CDYL: variants seen among roughly 807,000 people sequenced by gnomAD.
CDYL encodes the protein chromodomain Y like.
A neutral mutation model predicts 47.3 loss-of-function variants in CDYL; 8 were observed. The ratio of observed to expected loss-of-function variants is 0.17; its 90% CI spans 0.10 to 0.31. The LOEUF is 0.31. CDYL is among the 10% of genes least tolerant of loss of function. The pLI is 1.00. For synonymous variants in CDYL, 266 were observed against 265.0 expected (o/e 1.00, Z -0.04); for missense variants, 471 against 701.4 (o/e 0.67, Z 3.71).
rs556831056 is a variant in CDYL, at chr6:4,751,717, T to G, written c.186+16873T>G. 1.4e-3 allele frequency among the ~76,000 whole-genome samples: 214 copies of G among 152,350 alleles called. 10 individuals carry two copies. The South Asian group carries it at 0.042, about 30-fold the overall frequency. ...ATTTTGGCATGAACCAGTTTTTAAC[T>G]CTAGCCAGTCAATTTCGTTTTTAAA... On this transcript the variant is annotated intron_variant, in intron 3 of 8. Coordinates refer to the CDYL transcript ENST00000328908.
chr6:4,871,718 C>G (rs1282974376), intron 1 of CDYL, among the ~76,000 whole-genome samples: 2 of 152,164 alleles, frequency 1.3e-5, no homozygotes, highest in Non-Finnish European at 2.9e-5. Context: ...CCTCTCCACC[C>G]TAAATAGTCT....
intron 1 of CDYL, among the ~76,000 whole-genome samples, chr6:4,814,543 A>G (rs1299798337): frequency 6.6e-6 from 1 of 152,114 alleles, no homozygotes; most frequent in Non-Finnish European, 1.5e-5. Flanking sequence ...GTTGTTTTGG[A>G]GACAGGGTCT....
chr6:4,879,404 A>G (rs895956575), intron 1 of CDYL, among the ~76,000 whole-genome samples: 3 of 152,194 alleles, frequency 2.0e-5, no homozygotes, highest in Non-Finnish European at 4.4e-5. Flanking sequence ...TTGACCTTAT[A>G]ATAAAGAAAT....
At chr6:4,853,310 T>C (rs1286083802) in intron 1 of CDYL, among the ~76,000 whole-genome samples, 3 of 152,208 alleles carry the variant, frequency 2.0e-5, no homozygotes, top group African/African-American at 7.2e-5. Flanking sequence ...ATTTTTATTT[T>C]TCCCGGTAAA....
intron 2 of CDYL, among the ~76,000 whole-genome samples, chr6:4,925,721 A>G (rs1040480170): frequency 3.3e-5 from 5 of 151,980 alleles, no homozygotes; most frequent in Admixed American, 1.3e-4. Context: ...TCCAGCTGGG[A>G]GAGTAGGCAT....
intron 2 of CDYL, among the ~76,000 whole-genome samples, chr6:4,935,104 A>G (rs1758148012): frequency 6.6e-6 from 1 of 152,190 alleles, no homozygotes. Context: ...TTGGAAAAAG[A>G]AGTTTCGACT....
chr6:4,717,305 G>A (rs1196376043), intron 2 of CDYL, among the ~76,000 whole-genome samples: 1 of 152,210 alleles, frequency 6.6e-6, no homozygotes, highest in Non-Finnish European at 1.5e-5. Flanking sequence ...AGCTTCCAGA[G>A]CCTGGTGCAG....
intron 2 of CDYL, among the ~76,000 whole-genome samples, chr6:4,901,355 G>C (rs1269523025): frequency 6.6e-6 from 1 of 152,102 alleles, no homozygotes; most frequent in Non-Finnish European, 1.5e-5. Flanking sequence ...CGTTAGCATT[G>C]TTTTTGCTGC....
chr6:4,908,745 C>T (rs948889191), intron 2 of CDYL, among the ~76,000 whole-genome samples: 1 of 152,188 alleles, frequency 6.6e-6, no homozygotes, highest in Non-Finnish European at 1.5e-5. Flanking sequence ...CAGTAGCCCA[C>T]AGGCAGTCCT....
rs534737552 is a variant in CDYL, at chr6:4,720,188, G to A, written c.103+4307G>A. ...TGAAGGAAAAAAACTTGTAAACATT[G>A]AGTCAAAACCTTACAAATTTTGGAG... On this transcript the variant is annotated intron_variant, in intron 2 of 8. Coordinates refer to the CDYL transcript ENST00000328908. 9.2e-5 allele frequency among the ~76,000 whole-genome samples: 14 copies of A among 152,276 alleles called. 1 individual carries two copies. In the South Asian group the frequency reaches 2.3e-3, roughly 25 times the overall value.
At chr6:4,910,227 A>G (rs1757370978) in intron 2 of CDYL, among the ~76,000 whole-genome samples, 2 of 152,066 alleles carry the variant, frequency 1.3e-5, no homozygotes, top group South Asian at 2.1e-4. Context: ...ACATATGTTT[A>G]TTTACTCAGT....
intron 2 of CDYL, among the ~76,000 whole-genome samples, chr6:4,717,286 C>T (rs1757282994): frequency 6.6e-6 from 1 of 152,162 alleles, no homozygotes; most frequent in Admixed American, 6.5e-5. Flanking sequence ...GGGATGCTTC[C>T]ACTCCTACAG....
chr6:4,788,480 CAA>C (rs1220969716), intron 1 of CDYL, among the ~76,000 whole-genome samples: 19 of 61,056 alleles, frequency 3.1e-4, no homozygotes, highest in Admixed American at 1.2e-3. Context: ...GAGACTCTGT[CAA>C]AAAAAAAAAA....
intron 5 of CDYL, among the ~76,000 whole-genome samples, chr6:4,951,632 T>C (rs939826697): frequency 6.6e-6 from 1 of 152,018 alleles, no homozygotes; most frequent in African/African-American, 2.4e-5. Context: ...ATTCAAGCCC[T>C]GGATAGTTCT....
intron 1 of CDYL, among the ~76,000 whole-genome samples, chr6:4,867,773 T>G (rs895894838): frequency 9.8e-5 from 9 of 91,636 alleles, no homozygotes; most frequent in East Asian, 2.3e-4. Flanking sequence ...TGTTGTGGGG[T>G]TTTTTTTTTT....
intron 1 of CDYL, among the ~76,000 whole-genome samples, chr6:4,789,806 A>C (rs1383102767): frequency 1.3e-5 from 2 of 151,994 alleles, no homozygotes; most frequent in Non-Finnish European, 2.9e-5. Flanking sequence ...CCCCCGCAGC[A>C]CTCCATGGAG....
At chr6:4,711,064 T>C (rs1017814531) in intron 1 of CDYL, among the ~76,000 whole-genome samples, 1 of 152,044 alleles carries the variant, frequency 6.6e-6, no homozygotes, top group East Asian at 1.9e-4. Flanking sequence ...GTAAAAGAAA[T>C]AAGACCTTCG....
At position 4,940,029 on chromosome 6, in the gene CDYL, T is replaced by C. The variant is rs576095228; in HGVS notation, c.1121+2292T>C. ...CTCCTCCCTCCAGCGTTGAATTCCCTTGGACAGAGGCTGTGGGCTTGTGGC... is the reference window on the plus strand; with the variant it reads ...CTCCTCCCTCCAGCGTTGAATTCCCCTGGACAGAGGCTGTGGGCTTGTGGC... On this transcript the variant is annotated intron_variant, in intron 4 of 6. Coordinates refer to ENST00000397588, the MANE Select transcript of CDYL (RefSeq NM_004824.4). Among the ~76,000 whole-genome samples the C allele has an allele frequency of 1.3e-4, 20 of 152,304 alleles. No individual in the cohort carries two copies. The East Asian group carries it at 2.9e-3, about 22-fold the overall frequency.
chr6:4,877,361 C>T (rs1336256992), intron 1 of CDYL, among the ~76,000 whole-genome samples: 2 of 151,968 alleles, frequency 1.3e-5, no homozygotes, highest in Non-Finnish European at 2.9e-5. Flanking sequence ...AATCAATTTT[C>T]TTTCTTTCCT....
Sources: allele counts gnomAD v4.1 joint callset (sites outside exome capture counted in the v4.1 genomes callset), GRCh38; gene constraint gnomAD v4.1.1; transcripts MANE v1.5; gene names NCBI Gene and HGNC (gene_info 2026-07-23, HGNC 2026-07-21).